RABGAP1L: variants seen among roughly 807,000 people sequenced by gnomAD.
RABGAP1L encodes rab GTPase-activating protein 1-like.
A neutral mutation model predicts 137.7 loss-of-function variants in RABGAP1L; 63 were observed. The observed-to-expected ratio is 0.46, with a 90% CI of 0.37 to 0.56. The LOEUF (loss-of-function observed/expected upper bound fraction) is 0.56. RABGAP1L is among the 20% of genes least tolerant of loss of function. The pLI is 0.00. For missense variants in RABGAP1L, 1,095 were observed against 1,244.0 expected, an observed-to-expected ratio of 0.88 and a Z score of 1.80; for synonymous variants, 431 against 433.7, an observed-to-expected ratio of 0.99 and a Z score of 0.08.
intron 11 of RABGAP1L, among the ~76,000 whole-genome samples, chr1:174,358,978 T>C (rs1309368595): frequency 6.6e-6 from 1 of 152,198 alleles, no homozygotes; most frequent in African/African-American, 2.4e-5. Flanking sequence ...GGTATGGGCC[T>C]AGGGGGGCAG....
chr1:174,624,053 T>C (rs1672751786), intron 13 of RABGAP1L, among the ~76,000 whole-genome samples: 1 of 152,262 alleles, frequency 6.6e-6, no homozygotes, highest in Admixed American at 6.5e-5. Context: ...AGTGTTTGCA[T>C]TGAAAATCAC....
chr1:174,175,255 C>T (rs1665737830), intron 1 of RABGAP1L, among the ~76,000 whole-genome samples: 1 of 152,114 alleles, frequency 6.6e-6, no homozygotes, highest in Non-Finnish European at 1.5e-5. Context: ...TTCTTAACCA[C>T]TTGGGTACCA....
intron 14 of RABGAP1L, among the ~76,000 whole-genome samples, chr1:174,641,543 T>G (rs1488416693): frequency 2.6e-5 from 4 of 152,148 alleles, no homozygotes; most frequent in Admixed American, 2.0e-4. Flanking sequence ...TTCCTATTGG[T>G]TAGGTCAATA....
chr1:174,892,896 A>ATTTTTTT (rs748971722), intron 19 of RABGAP1L, among the ~76,000 whole-genome samples: 577 of 91,722 alleles, frequency 6.3e-3, no homozygotes, highest in African/African-American at 9.7e-3. Context: ...CACCCAGCTA[A>ATTTTTTT]TTTTTTTTTT....
At chr1:174,269,633 T>G (rs960720797) in intron 7 of RABGAP1L, among the ~76,000 whole-genome samples, 7 of 152,248 alleles carry the variant, frequency 4.6e-5, no homozygotes, top group Admixed American at 2.6e-4. Context: ...ATAATTGATA[T>G]AATAGCATCA....
intron 13 of RABGAP1L, among the ~76,000 whole-genome samples, chr1:174,444,344 AT>A (rs1654499069): frequency 1.3e-5 from 2 of 151,818 alleles, no homozygotes; most frequent in Admixed American, 6.6e-5. Flanking sequence ...GTTTGCTAGT[AT>A]TTTGTTAAGG....
At chr1:174,845,078 A>T (rs1245412876) in intron 19 of RABGAP1L, among the ~76,000 whole-genome samples, 5 of 149,592 alleles carry the variant, frequency 3.3e-5, no homozygotes, top group African/African-American at 1.2e-4. Context: ...TTGATTTTGT[A>T]TCCTGAGACT....
intron 1 of RABGAP1L, among the ~76,000 whole-genome samples, chr1:174,199,385 G>A (rs965395100): frequency 2.6e-5 from 4 of 151,986 alleles, no homozygotes; most frequent in African/African-American, 4.8e-5. Context: ...TCTGCCTGCC[G>A]GATTCAAGCA....
chr1:174,197,221 A>G (rs1235184394), intron 1 of RABGAP1L, among the ~76,000 whole-genome samples: 1 of 152,252 alleles, frequency 6.6e-6, no homozygotes, highest in African/African-American at 2.4e-5. Context: ...GTTGAAGTTT[A>G]GAGATTTACT....
chr1:174,582,481 T>C (rs1668816692), intron 13 of RABGAP1L, among the ~76,000 whole-genome samples: 1 of 152,058 alleles, frequency 6.6e-6, no homozygotes, highest in South Asian at 2.1e-4. Flanking sequence ...GGTGCGTGCC[T>C]GTAGTCCCAG....
chr1:174,528,098 C>G (rs988721150), intron 13 of RABGAP1L, among the ~76,000 whole-genome samples: 1 of 151,438 alleles, frequency 6.6e-6, no homozygotes, highest in African/African-American at 2.4e-5. Flanking sequence ...TTAATTCATT[C>G]AGTGAGTCTA....
intron 10 of RABGAP1L, among the ~76,000 whole-genome samples, chr1:174,290,478 C>T (rs1172518492): frequency 6.6e-6 from 1 of 152,118 alleles, no homozygotes; most frequent in Admixed American, 6.6e-5. Flanking sequence ...ACTTCCAATA[C>T]AACTTTTCTA....
chr1:174,683,320 G>C (rs546007452), intron 14 of RABGAP1L, among the ~76,000 whole-genome samples: 6 of 152,150 alleles, frequency 3.9e-5, no homozygotes, highest in Admixed American at 2.0e-4. Context: ...CTGGGATAAA[G>C]GGACATAGAG....
At chr1:174,872,246 A>G (rs534851103) in intron 19 of RABGAP1L, among the ~76,000 whole-genome samples, 99 of 152,158 alleles carry the variant, frequency 6.5e-4, no homozygotes, top group Middle Eastern at 3.4e-3. Context: ...AATGGCTGGT[A>G]TTCAACACAA....
chr1:174,209,466 C>A (rs1268014922), intron 1 of RABGAP1L, among the ~76,000 whole-genome samples: 1 of 152,150 alleles, frequency 6.6e-6, no homozygotes, highest in Non-Finnish European at 1.5e-5. Context: ...GGAAGTATAC[C>A]AAATGGGCCT....
At chr1:174,194,554 C>A (rs563164101) in intron 1 of RABGAP1L, among the ~76,000 whole-genome samples, 1 of 152,078 alleles carries the variant, frequency 6.6e-6, no homozygotes, top group Non-Finnish European at 1.5e-5. Context: ...AATTCTAAAG[C>A]CTGGGACTGT....
At chr1:174,192,847 G>C (rs1667308537) in intron 1 of RABGAP1L, among the ~76,000 whole-genome samples, 1 of 152,196 alleles carries the variant, frequency 6.6e-6, no homozygotes, top group Non-Finnish European at 1.5e-5. Context: ...AGGCAGGCAT[G>C]TCACCATTGG....
chr1:174,785,704 G>A (rs941502970), intron 18 of RABGAP1L, among the ~76,000 whole-genome samples: 1 of 152,148 alleles, frequency 6.6e-6, no homozygotes, highest in Non-Finnish European at 1.5e-5. Context: ...TTGAGCATGC[G>A]TATTCAACTG....
At chr1:174,281,736 G>A (rs1341984968) in intron 10 of RABGAP1L, among the ~76,000 whole-genome samples, 2 of 152,202 alleles carry the variant, frequency 1.3e-5, no homozygotes, top group Non-Finnish European at 2.9e-5. Flanking sequence ...CTTTATTGAG[G>A]TAGTTAGCAT....
Sources: gnomAD v4.1 joint callset for allele counts (sites outside exome capture counted in the v4.1 genomes callset) on GRCh38, gnomAD v4.1.1 for gene constraint, MANE v1.5 for transcripts, NCBI Gene and HGNC (gene_info 2026-07-23, HGNC 2026-07-21) for gene names.